The following KLF8 variants were observed in gnomAD, a reference collection of about 807,000 sequenced individuals.
The protein encoded by KLF8 is Krueppel-like factor 8.
A neutral mutation model predicts 18.2 loss-of-function variants in KLF8; 10 were observed. The ratio of observed to expected loss-of-function variants is 0.55; its 90% CI spans 0.34 to 0.93. The LOEUF is 0.93. Ranked by LOEUF, KLF8 falls within the 40% of genes least tolerant of loss-of-function variation. KLF8 has a pLI of 0.02. For synonymous variants in KLF8, 109 were observed against 97.3 expected, an observed-to-expected ratio of 1.12 and a Z score of -0.71; for missense variants, 264 against 277.9, an observed-to-expected ratio of 0.95 and a Z score of 0.36.
the KLF8 span, among the ~76,000 whole-genome samples, chrX:56,186,215 G>A: frequency 9.0e-6 from 1 of 111,004 alleles, no homozygotes; most frequent in African/African-American, 3.3e-5. Context: ...AAAAAGGCAG[G>A]GGTTGCAATC....
At chrX:56,107,450 C>A in the KLF8 span, among the ~76,000 whole-genome samples, 2 of 111,666 alleles carry the variant, frequency 1.8e-5, no homozygotes, top group African/African-American at 6.5e-5. Flanking sequence ...CCTAGCCAGG[C>A]TGCAGCCTTG....
the KLF8 span, among the ~76,000 whole-genome samples, chrX:55,940,880 CA>C: frequency 9.0e-6 from 1 of 111,646 alleles, no homozygotes; most frequent in South Asian, 3.8e-4. Context: ...AAAGAGGATA[CA>C]AACAAACGGA....
At chrX:56,141,680 G>T in the KLF8 span, among the ~76,000 whole-genome samples, 4 of 110,920 alleles carry the variant, frequency 3.6e-5, no homozygotes, top group African/African-American at 9.8e-5. Context: ...TATTTATGTT[G>T]AAATTACAGT....
At chrX:56,016,905 T>G in the KLF8 span, among the ~76,000 whole-genome samples, 2 of 112,231 alleles carry the variant, frequency 1.8e-5, no homozygotes, top group African/African-American at 6.5e-5. Flanking sequence ...AAATATATTT[T>G]AAGTGAAATA....
intron 5 of KLF8, among the ~76,000 whole-genome samples, chrX:56,283,195 A>C (rs1418501884): frequency 9.0e-6 from 1 of 110,948 alleles, no homozygotes; most frequent in Non-Finnish European, 1.9e-5. Flanking sequence ...TATATAATTC[A>C]AATACAACCC....
chrX:55,930,306 A>G, the KLF8 span, among the ~76,000 whole-genome samples: 1 of 111,773 alleles, frequency 8.9e-6, no homozygotes, highest in African/African-American at 3.3e-5. Flanking sequence ...GGTTTTCTAA[A>G]TATACAGTCA....
At chrX:56,236,743 C>T (rs1280366985) in intron 1 of KLF8, among the ~76,000 whole-genome samples, 1 of 110,147 alleles carries the variant, frequency 9.1e-6, no homozygotes, top group Admixed American at 9.8e-5. Context: ...CCCTCCTATT[C>T]CTGTTCTCTA....
At chrX:55,934,934 C>A in the KLF8 span, among the ~76,000 whole-genome samples, 8 of 111,237 alleles carry the variant, frequency 7.2e-5, no homozygotes, top group African/African-American at 2.0e-4. Context: ...AGGGTTAAAT[C>A]CAACTCTTCT....
the KLF8 span, among the ~76,000 whole-genome samples, chrX:55,914,300 CTCT>C: frequency 9.0e-6 from 1 of 111,724 alleles, no homozygotes; most frequent in Non-Finnish European, 1.9e-5. Flanking sequence ...CATGAGAACC[CTCT>C]ATGTAGTCAG....
chrX:56,033,795 A>G, the KLF8 span, among the ~76,000 whole-genome samples: 1 of 111,939 alleles, frequency 8.9e-6, no homozygotes, highest in African/African-American at 3.2e-5. Context: ...CCTGTTGGCC[A>G]TTTGTATGTC....
At chrX:56,241,060 G>A (rs1374070196) in intron 1 of KLF8, among the ~76,000 whole-genome samples, 2 of 112,170 alleles carry the variant, frequency 1.8e-5, no homozygotes, top group Admixed American at 1.9e-4. Flanking sequence ...TTGAGGTAGG[G>A]GGAGTGGGTT....
chrX:56,078,174 G>A, the KLF8 span, among the ~76,000 whole-genome samples: 17 of 111,465 alleles, frequency 1.5e-4, no homozygotes, highest in Non-Finnish European at 2.8e-4. Context: ...CCTTCCAACA[G>A]TACGTTGAAT....
In KLF8 at chrX:56,291,149, A is replaced by AT. The variant is rs1400380948; in HGVS notation, c.*6661dup. ...AGCCTGCAGTGAAAGGATCAGTTGG[A>AT]TTTTTTGTCATTGTTAGTTTGTTTA... On this transcript the variant is annotated 3_prime_UTR_variant, in exon 6 of 6. Coordinates refer to ENST00000468660, the MANE Select transcript of KLF8 (RefSeq NM_007250.5). Among the ~76,000 whole-genome samples, 4 of 111,380 alleles carry AT rather than the reference A, an allele frequency of 3.6e-5. No homozygotes were observed. The highest frequency in any genetic ancestry group is 9.8e-5 in the African/African-American group (3 of 30,601).
At chrX:56,244,709 G>C (rs769899455) in intron 1 of KLF8, among the ~76,000 whole-genome samples, 1 of 112,188 alleles carries the variant, frequency 8.9e-6, no homozygotes, top group Admixed American at 9.4e-5. Context: ...AAGGCCCATT[G>C]CAACACTACT....
At chrX:56,042,254 C>G in the KLF8 span, among the ~76,000 whole-genome samples, 1 of 106,849 alleles carries the variant, frequency 9.4e-6, no homozygotes, top group Non-Finnish European at 1.9e-5. Context: ...GTTATGATTT[C>G]AGTTCTTTTG....
chrX:56,224,066 T>C, the KLF8 span, among the ~76,000 whole-genome samples: 1 of 111,101 alleles, frequency 9.0e-6, no homozygotes, highest in African/African-American at 3.3e-5. Context: ...CCATGGCGTC[T>C]GGCTTAGTTT....
chrX:56,218,719 A>C, the KLF8 span, among the ~76,000 whole-genome samples: 1 of 112,324 alleles, frequency 8.9e-6, no homozygotes, highest in Non-Finnish European at 1.9e-5. Flanking sequence ...TTAATTTTAC[A>C]CTAGGTCCCA....
the KLF8 span, among the ~76,000 whole-genome samples, chrX:56,118,119 C>A: frequency 9.0e-6 from 1 of 111,474 alleles, no homozygotes; most frequent in Non-Finnish European, 1.9e-5. Context: ...AGGATTTCAA[C>A]ATAAGAATGA....
the KLF8 span, among the ~76,000 whole-genome samples, chrX:56,109,277 C>G: frequency 2.7e-4 from 29 of 109,415 alleles, no homozygotes; most frequent in African/African-American, 9.7e-4. Context: ...CACCTGTAGT[C>G]CTAGCTACTC....
Sources: gnomAD v4.1 joint callset for allele counts (sites outside exome capture counted in the v4.1 genomes callset) on GRCh38, gnomAD v4.1.1 for gene constraint, MANE v1.5 for transcripts, NCBI Gene and HGNC (gene_info 2026-07-23, HGNC 2026-07-21) for gene names.